DNAJB11: variants seen among roughly 807,000 people sequenced by gnomAD.
DNAJB11 encodes DnaJ heat shock protein family (Hsp40) member B11.
DNAJB11 carries 30 observed loss-of-function variants against 47.2 expected under a neutral mutation model. That is an observed-to-expected ratio of 0.64 (90% CI 0.48 to 0.86). DNAJB11 has a LOEUF of 0.86. Ranked by LOEUF, DNAJB11 falls within the 40% of genes least tolerant of loss-of-function variation. DNAJB11 has a pLI of 0.00. For synonymous variants in DNAJB11, 151 were observed against 159.9 expected (o/e 0.94, Z 0.42); for missense variants, 357 against 440.2 (o/e 0.81, Z 1.69).
chr3:186,580,349 A>T (rs1715442062), intron 4 of DNAJB11: 1 of 152,130 alleles, frequency 6.6e-6, no homozygotes, highest in Non-Finnish European at 1.5e-5. Flanking sequence ...ATACCTTGAG[A>T]AATAGGATAG....
Position 186,582,004 on chromosome 3 carries a change from T to G in DNAJB11, c.609T>G (p.Asn203Lys). 6.2e-7 allele frequency: 1 copy of G among 1,613,422 alleles called. No individual in the cohort carries two copies. The highest frequency in any genetic ancestry group is 8.5e-7 in the Non-Finnish European group (1 of 1,179,518). ...ATTCTCTTTACCTCAGACTAGTGAA[T>G]GAAGAACGAACGCTGGAAGTAGAAA... is the stretch of plus-strand genomic sequence containing the variant. ...CDECPNVKLVNEERTLEVEIE... is the reference protein window; with the variant it reads ...CDECPNVKLVKEERTLEVEIE... The change falls in exon 6 of 10, where the codon AAT (asparagine) becomes AAG (lysine). Residue 203 changes from asparagine (N) to lysine (K), a missense_variant. Transcript: ENST00000265028.
At chr3:186,571,440 A>C (rs1360986660) in intron 1 of DNAJB11, among the ~76,000 whole-genome samples, 6 of 152,168 alleles carry the variant, frequency 3.9e-5, no homozygotes, top group Non-Finnish European at 5.9e-5. Flanking sequence ...GCTCTATGCC[A>C]AGCCTTCGAA....
intron 2 of DNAJB11, among the ~76,000 whole-genome samples, chr3:186,575,046 C>T (rs1296474654): frequency 6.6e-6 from 1 of 152,016 alleles, no homozygotes; most frequent in East Asian, 1.9e-4. Context: ...CTTTAATATA[C>T]AGAGAGAAAG....
intron 3 of DNAJB11, among the ~76,000 whole-genome samples, chr3:186,576,736 T>C (rs1715309461): frequency 6.6e-6 from 1 of 152,088 alleles, no homozygotes; most frequent in Admixed American, 6.5e-5. Flanking sequence ...TGTAAAGATG[T>C]GTGAGTAACA....
rs756897398 is a variant in DNAJB11 at position 186,570,911 on chromosome 3, A to G, written c.14A>G (p.Asn5Ser). The G allele has an allele frequency of 4.4e-6, 7 of 1,602,288 alleles. No individual in the cohort carries two copies. The African/African-American group carries it at 8.1e-5, about 18-fold the overall frequency. Residue 5 changes from asparagine (N) to serine (S), a missense_variant, in exon 1 of 10, where the codon AAC becomes AGC. By Grantham distance (46) the Asn-to-Ser change is conservative. Coordinates refer to ENST00000265028, the MANE Select transcript of DNAJB11 (RefSeq NM_016306.6). MAPQ[N>S]LSTFCLLLLY... is the part of the protein sequence containing the mutation. ...GACAGAGGAACCATGGCTCCGCAGA[A>G]CCTGAGCACCTTTTGCCTGTTGCTG... is the stretch of plus-strand genomic sequence containing the variant.
rs771396873 is a variant in DNAJB11 at position 186,584,393 on chromosome 3, C to T, written c.853-37C>T. The T allele has an allele frequency of 2.7e-6, 4 of 1,508,488 alleles. No individual in the cohort carries two copies. The East Asian group carries it at 7.1e-5, about 27-fold the overall frequency. The allele number at this position is 1,508,488 out of a possible 1,614,324, so 93.4% of individuals were successfully genotyped here. A position where few individuals can be genotyped will look rare whatever the true frequency, so the allele number is the denominator to read the frequency against. Reference sequence around the variant, plus strand: ...AGCTGTGTGATGTACTTCAGATGTACCGCTCCTGCTGCAGTACATTCCCTT... The same window carrying T: ...AGCTGTGTGATGTACTTCAGATGTATCGCTCCTGCTGCAGTACATTCCCTT... On this transcript the variant is annotated intron_variant, in intron 8 of 9. Coordinates refer to ENST00000265028, the MANE Select transcript of DNAJB11 (RefSeq NM_016306.6).
chr3:186,577,217 A>C (rs1715330283), intron 3 of DNAJB11, among the ~76,000 whole-genome samples: 1 of 152,248 alleles, frequency 6.6e-6, no homozygotes, highest in Admixed American at 6.5e-5. Context: ...TAAAGAGAAC[A>C]CTACATATGT....
chr3:186,571,015 TGG>T, intron 1 of DNAJB11, 50 bp downstream of exon 1: 1 of 144,542 alleles, frequency 6.9e-6, no homozygotes. Context: ...CAGCCTTTGC[TGG>T]GGGGTGGGAG....
Position 186,577,814 on chromosome 3 carries a change from A to G in DNAJB11, c.456+14A>G, listed in dbSNP as rs763881806. The G allele has an allele frequency of 2.5e-6, 4 of 1,583,164 alleles. No individual in the cohort carries two copies. In the South Asian group the frequency reaches 4.7e-5, roughly 19 times the overall value. ...AATTTTGTGGAAGTAAGTTCAAACA[A>G]TATAGCTGTTCATATTGACTCCCAG... On this transcript the variant is annotated intron_variant, in intron 4 of 9. Coordinates refer to ENST00000265028, the MANE Select transcript of DNAJB11 (RefSeq NM_016306.6).
chr3:186,577,610 G>T, intron 3 of DNAJB11, 58 bp from the exon 4 acceptor site: 1 of 1,453,112 alleles, frequency 6.9e-7, no homozygotes, highest in Non-Finnish European at 9.2e-7. Context: ...TGAGTTAATT[G>T]TGAAACATAG....
In DNAJB11 at chr3:186,583,970, T is replaced by C. The variant is rs1419424930; in HGVS notation, c.846T>C (p.Gly282=). ...AGATGGATATTACTCACTTGGATGG[T>C]CACAAGGTAAACAAACCAATTTACT... The part of the protein sequence containing the change: ...GFEMDITHLD[G]HKVHISRDKI... The change falls in exon 8 of 10, where the codon GGT becomes GGC. Residue 282 remains glycine, a synonymous_variant. Coordinates refer to ENST00000265028, the MANE Select transcript of DNAJB11 (RefSeq NM_016306.6). The C allele has an allele frequency of 6.2e-7, 1 of 1,610,746 alleles. No homozygotes were observed. Among genetic ancestry groups the C allele is most frequent in the East Asian group, 2.2e-5 (1 of 44,856 alleles).
chr3:186,583,506 C>T (rs908518404), intron 7 of DNAJB11, among the ~76,000 whole-genome samples: 5 of 152,192 alleles, frequency 3.3e-5, no homozygotes, highest in Admixed American at 6.5e-5. Context: ...TTCCCCTTCC[C>T]TCCACCCATT....
At position 186,581,590 on chromosome 3, in the gene DNAJB11, A is replaced by G. The variant is rs1001332263; in HGVS notation, c.599+77A>G. 4 of 1,489,798 alleles carry G rather than the reference A, an allele frequency of 2.7e-6. No individual in the cohort carries two copies. In the Admixed American group the frequency reaches 6.2e-5, roughly 23 times the overall value. 92.3% of individuals were successfully genotyped at this position (1,489,798 alleles called of 1,614,324 possible). On this transcript the variant is annotated intron_variant, in intron 5 of 9. Coordinates refer to ENST00000265028, the MANE Select transcript of DNAJB11 (RefSeq NM_016306.6). ...TCATCTAGTCAAACACTAATGGTCCATACTAGATCTTTCTCTGTCCCCTCC... is the reference window on the plus strand; with the variant it reads ...TCATCTAGTCAAACACTAATGGTCCGTACTAGATCTTTCTCTGTCCCCTCC...
At chr3:186,579,097 A>G (rs1715397073) in intron 4 of DNAJB11, 1 of 152,198 alleles carries the variant, frequency 6.6e-6, no homozygotes, top group African/African-American at 2.4e-5. Context: ...CATCTCTGGA[A>G]AAAAATTTTA....
At chr3:186,571,032 T>TGGGGG in intron 1 of DNAJB11, 67 bp downstream of exon 1, 1 of 202,008 alleles carries the variant, frequency 5.0e-6, no homozygotes, top group Non-Finnish European at 1.0e-5. Flanking sequence ...TGGGAGGGGG[T>TGGGGG]GGGGGAAGTG....
In DNAJB11 at chr3:186,582,776, A is replaced by C. The variant is rs1406614571; in HGVS notation, c.740+3A>C. On this transcript the variant is annotated splice_donor_region_variant and intron_variant, in intron 7 of 9. Transcript: ENST00000265028. The stretch of plus-strand genomic sequence containing the variant: ...CGGTTCCGAATCAAAGTTGTCAAGT[A>C]AGTAATCTAATTTTAGAGGTCTTCT... The C allele has an allele frequency of 6.4e-7, 1 of 1,573,146 alleles. No individual in the cohort carries two copies. The highest frequency in any genetic ancestry group is 1.3e-5 in the African/African-American group (1 of 74,402).
In DNAJB11 at chr3:186,583,948, T is replaced by C. The variant is rs1715574874; in HGVS notation, c.824T>C (p.Met275Thr). Residue 275 changes from methionine (M) to threonine (T), a missense_variant, in exon 8 of 10, where the codon ATG (methionine) becomes ACG (threonine). By Grantham distance (81) the Met-to-Thr change is moderately conservative. Coordinates refer to ENST00000265028, the MANE Select transcript of DNAJB11 (RefSeq NM_016306.6). ...SLVESLVGFE[M>T]DITHLDGHKV... ...GTTGAGTCACTGGTTGGCTTTGAGA[T>C]GGATATTACTCACTTGGATGGTCAC... is the stretch of plus-strand genomic sequence containing the variant. 6.2e-7 allele frequency: 1 copy of C among 1,613,414 alleles called. No individual in the cohort carries two copies. Among genetic ancestry groups the C allele is most frequent in the Non-Finnish European group, 8.5e-7 (1 of 1,179,378 alleles).
intron 9 of DNAJB11, 127 bp downstream of exon 9, chr3:186,584,716 A>G: frequency 2.0e-6 from 2 of 991,878 alleles, no homozygotes; most frequent in Non-Finnish European, 2.7e-6. Context: ...TAATGCTAGT[A>G]GAACACTAAG....
Position 186,584,110 on chromosome 3 carries a change from C to G in DNAJB11, c.852+134C>G, listed in dbSNP as rs1715584725. 6 of 700,722 alleles carry G rather than the reference C, an allele frequency of 8.6e-6. No homozygotes were observed. The Admixed American group carries it at 1.4e-4, about 16-fold the overall frequency. 43.4% of individuals were successfully genotyped at this position (700,722 alleles called of 1,614,324 possible). On this transcript the variant is annotated intron_variant, in intron 8 of 9. Coordinates refer to ENST00000265028, the MANE Select transcript of DNAJB11 (RefSeq NM_016306.6). ...GGTCGTATTCTGCCGTCTGTACTTA[C>G]TCTGCTGCTGAGCATACTGCAATAA...
Sources: gnomAD v4.1 joint callset for allele counts (sites outside exome capture counted in the v4.1 genomes callset) on GRCh38, gnomAD v4.1.1 for gene constraint, MANE v1.5 for transcripts, NCBI Gene and HGNC (gene_info 2026-07-23, HGNC 2026-07-21) for gene names.